CCDC57: variants seen among roughly 807,000 people sequenced by gnomAD.
CCDC57 encodes the protein coiled-coil domain containing 57, also known as coiled-coil domain-containing protein 57.
A neutral mutation model predicts 118.9 loss-of-function variants in CCDC57; 118 were observed. That is an observed-to-expected ratio of 0.99 (90% CI 0.86 to 1.16). The LOEUF (loss-of-function observed/expected upper bound fraction) is 1.16. CCDC57 is among the 50% of genes most tolerant of loss of function. CCDC57 has a pLI of 0.00. For missense variants in CCDC57, 1,300 were observed against 1,320.7 expected, an observed-to-expected ratio of 0.98 and a Z score of 0.24; for synonymous variants, 527 against 532.9, an observed-to-expected ratio of 0.99 and a Z score of 0.15.
intron 19 of CCDC57, among the ~76,000 whole-genome samples, chr17:82,104,174 G>T (rs914983224): frequency 3.9e-5 from 6 of 152,250 alleles, no homozygotes; most frequent in African/African-American, 1.4e-4. Flanking sequence ...ACCACTCTCT[G>T]CCCCGCCTTC....
intron 19 of CCDC57, among the ~76,000 whole-genome samples, chr17:82,123,143 T>TG (rs2036955629): frequency 6.8e-6 from 1 of 147,444 alleles, no homozygotes; most frequent in South Asian, 2.1e-4. Flanking sequence ...TTTTTTTTTT[T>TG]GTAGAGACAG....
intron 11 of CCDC57, among the ~76,000 whole-genome samples, chr17:82,174,670 CG>C (rs2045239961): frequency 6.6e-6 from 1 of 152,196 alleles, no homozygotes; most frequent in Non-Finnish European, 1.5e-5. Context: ...GCCTTGAGTT[CG>C]TGTCCGGCAT....
chr17:82,124,947 T>C (rs2037217313), intron 19 of CCDC57, among the ~76,000 whole-genome samples: 1 of 152,150 alleles, frequency 6.6e-6, no homozygotes, highest in Non-Finnish European at 1.5e-5. Flanking sequence ...CAAAATGTTT[T>C]GTGGTGAATT....
At chr17:82,165,737 GCAA>G (rs1445848017) in intron 13 of CCDC57, among the ~76,000 whole-genome samples, 1 of 152,176 alleles carries the variant, frequency 6.6e-6, no homozygotes, top group Non-Finnish European at 1.5e-5. Context: ...AACCAGCACA[GCAA>G]AACCTCTGAC....
At chr17:82,137,226 C>A (rs1279909567) in intron 16 of CCDC57, among the ~76,000 whole-genome samples, 1 of 152,016 alleles carries the variant, frequency 6.6e-6, no homozygotes, top group Non-Finnish European at 1.5e-5. Context: ...CCGTGTTGGC[C>A]AGGCTGGTCT....
chr17:82,127,830 G>T (rs2037697206), exon 19 of CCDC57: 1 of 1,610,984 alleles, frequency 6.2e-7, no homozygotes, highest in South Asian at 1.1e-5. Flanking sequence ...GGGTGCTGGG[G>T]AGCCTGGGGT....
intron 17 of CCDC57, among the ~76,000 whole-genome samples, chr17:82,133,534 C>A (rs2038734636): frequency 7.3e-6 from 1 of 137,786 alleles, no homozygotes; most frequent in South Asian, 2.4e-4. Context: ...TATAGTAAAA[C>A]ATATACATGA....
At chr17:82,184,044 C>G (rs2046627109) in intron 8 of CCDC57, 112 bp from the exon 8 acceptor site, 2 of 544,330 alleles carry the variant, frequency 3.7e-6, no homozygotes, top group African/African-American at 4.2e-5. Context: ...CACACACACA[C>G]ACACACACAC....
rs575592087 is a variant in CCDC57, at chr17:82,139,947, G to A, written c.2456-5753C>T. Among the ~76,000 whole-genome samples the A allele has an allele frequency of 1.2e-4, 19 of 152,308 alleles. No individual in the cohort carries two copies. In the South Asian group the frequency reaches 3.9e-3, roughly 32 times the overall value. On this transcript the variant is annotated intron_variant, in intron 16 of 19. Transcript: ENST00000665763. The stretch of plus-strand genomic sequence containing the variant: ...GACAGCTTTTGTTAAGAATACGGCT[G>A]ATGTTTTTTTAATGTTCTACTTTCT...
intron 19 of CCDC57, among the ~76,000 whole-genome samples, chr17:82,120,042 G>A (rs2036460618): frequency 6.6e-6 from 1 of 152,168 alleles, no homozygotes; most frequent in African/African-American, 2.4e-5. Flanking sequence ...GGTCCAAGAG[G>A]AGTATGGCTG....
At chr17:82,185,674 T>C (rs746675828) in intron 8 of CCDC57, among the ~76,000 whole-genome samples, 2 of 151,720 alleles carry the variant, frequency 1.3e-5, no homozygotes, top group Non-Finnish European at 2.9e-5. Flanking sequence ...GTTTTCTCTG[T>C]AGTTCCAAAC....
In CCDC57 at chr17:82,172,071, G is replaced by C. The variant is rs1446793189; in HGVS notation, c.1730-218C>G. ...CTCACTGGCCAGAGTGTGCCAGCCAGAGACCAGCACAGTCTCCATGCTCTC... is the reference window on the plus strand; with the variant it reads ...CTCACTGGCCAGAGTGTGCCAGCCACAGACCAGCACAGTCTCCATGCTCTC... On this transcript the variant is annotated intron_variant, in intron 12 of 19. Transcript: ENST00000665763. The surrounding 1 kb of genome is among the most constrained non-coding windows in gnomAD (Gnocchi z 5.2). Among the ~76,000 whole-genome samples, 1 of 152,196 alleles carries C rather than the reference G, an allele frequency of 6.6e-6. No individual in the cohort carries two copies. Among genetic ancestry groups the C allele is most frequent in the Non-Finnish European group, 1.5e-5 (1 of 68,038 alleles).
intron 19 of CCDC57, among the ~76,000 whole-genome samples, chr17:82,104,577 C>T (rs1296646008): frequency 1.3e-5 from 2 of 152,290 alleles, no homozygotes; most frequent in East Asian, 1.9e-4. Context: ...CTCACTCTGT[C>T]GCCCAGGCTG....
At chr17:82,120,427 G>A (rs35857672) in intron 19 of CCDC57, among the ~76,000 whole-genome samples, 80,036 of 152,100 alleles carry the variant, frequency 0.53, 21,871 homozygotes, top group Non-Finnish European at 0.58. Context: ...CTTGTCTGGC[G>A]AGCGACTGCC....
At chr17:82,146,797 TCACA>T (rs1396106874) in intron 16 of CCDC57, among the ~76,000 whole-genome samples, 5 of 152,026 alleles carry the variant, frequency 3.3e-5, no homozygotes, top group Non-Finnish European at 4.4e-5. Flanking sequence ...GTGCACAGTC[TCACA>T]CACAAACGTG....
chr17:82,157,861 G>A (rs1200043412), exon 15 of CCDC57: 7 of 1,588,836 alleles, frequency 4.4e-6, no homozygotes, highest in Non-Finnish European at 5.1e-6. Context: ...ACCTGCTTCC[G>A]CAGCTCCAAA....
At chr17:82,188,228 G>A in exon 8 of CCDC57, 1 of 1,550,660 alleles carries the variant, frequency 6.4e-7, no homozygotes, top group Non-Finnish European at 8.7e-7. Context: ...CTGGTCAATG[G>A]CAGCGTCCTT....
At chr17:82,128,689 C>T (rs2037854737) in intron 17 of CCDC57, 92 bp from the exon 17 acceptor site, 2 of 998,984 alleles carry the variant, frequency 2.0e-6, no homozygotes, top group Non-Finnish European at 3.0e-6. Flanking sequence ...GGAAGAAATG[C>T]CTTCCCACAT....
chr17:82,211,595 T>G (rs1240953962), intron 1 of CCDC57, among the ~76,000 whole-genome samples: 1 of 151,424 alleles, frequency 6.6e-6, no homozygotes, highest in Admixed American at 6.6e-5. Context: ...TCTCCCAGAC[T>G]GGAGTGCAAT....
Sources: gnomAD v4.1 joint callset for allele counts (sites outside exome capture counted in the v4.1 genomes callset) on GRCh38, gnomAD v4.1.1 for gene constraint, Gnocchi (gnomAD v3.1) non-coding constraint, MANE v1.5 for transcripts, NCBI Gene and HGNC (gene_info 2026-07-23, HGNC 2026-07-21) for gene names.